The following PPP1R21 variants were observed in gnomAD, a reference collection of about 807,000 sequenced individuals.
PPP1R21 encodes the protein protein phosphatase 1 regulatory subunit 21.
Under a neutral mutation model 112.8 loss-of-function variants are expected in PPP1R21, and 85 were observed. The observed-to-expected ratio is 0.75, with a 90% CI of 0.63 to 0.90. The LOEUF is 0.90. Ranked by LOEUF, PPP1R21 falls within the 40% of genes least tolerant of loss-of-function variation. PPP1R21 has a pLI of 0.00. For synonymous variants in PPP1R21, 381 were observed against 322.3 expected, an observed-to-expected ratio of 1.18 and a Z score of -1.95; for missense variants, 1,199 against 901.5, an observed-to-expected ratio of 1.33 and a Z score of -4.23.
At position 48,486,698 on chromosome 2, in the gene PPP1R21, G is replaced by C. The variant is rs1669316694; in HGVS notation, c.1386G>C (p.Leu462=). ...AACTTCCAACAGCAACACAGAAGCT[G>C]ATAACAACTAATGACTGTATCCTGT... ...EHELPTATQK[L]ITTNDCILSS... is the part of the protein sequence containing the mutation. The change falls in exon 14 of 22, where the codon CTG becomes CTC. Residue 462 remains leucine (L), a synonymous_variant. Coordinates refer to ENST00000294952, the MANE Select transcript of PPP1R21 (RefSeq NM_001135629.3). The C allele has an allele frequency of 1.9e-6, 3 of 1,613,790 alleles. No homozygotes were observed. In the African/African-American group the frequency reaches 4.0e-5, roughly 22 times the overall value.
chr2:48,457,226 C>T (rs574648164), intron 3 of PPP1R21, among the ~76,000 whole-genome samples: 89 of 152,270 alleles, frequency 5.8e-4, no homozygotes, highest in Admixed American at 1.2e-3. Flanking sequence ...AATTTGGAAG[C>T]ACTAAGGACC....
intron 16 of PPP1R21, among the ~76,000 whole-genome samples, chr2:48,496,225 A>G (rs1558506828): frequency 1.3e-5 from 2 of 152,052 alleles, no homozygotes; most frequent in Non-Finnish European, 2.9e-5. Flanking sequence ...GAAAAAAAAA[A>G]TATGTATATA....
chr2:48,484,514 C>CTTT (rs56150780), intron 13 of PPP1R21, among the ~76,000 whole-genome samples: 1 of 122,980 alleles, frequency 8.1e-6, no homozygotes, highest in Non-Finnish European at 1.7e-5. Context: ...AAAGAATAAA[C>CTTT]TTTTTTTTTT....
chr2:48,453,253 C>T lies in PPP1R21; in HGVS notation c.127-1342C>T, dbSNP rs557860785. Among the ~76,000 whole-genome samples the T allele has an allele frequency of 2.0e-4, 30 of 152,348 alleles. No homozygotes were observed. The South Asian group carries it at 6.0e-3, about 30-fold the overall frequency. ...ATAGGCGTGAGCCACTGCACCTGGCCTAGGTTGCTGTTTCAATACAGTTAA... is the reference window on the plus strand; with the variant it reads ...ATAGGCGTGAGCCACTGCACCTGGCTTAGGTTGCTGTTTCAATACAGTTAA... On this transcript the variant is annotated intron_variant, in intron 2 of 21. Coordinates refer to ENST00000294952, the MANE Select transcript of PPP1R21 (RefSeq NM_001135629.3).
intron 1 of PPP1R21, chr2:48,441,387 A>T: frequency 3.1e-6 from 1 of 323,870 alleles, no homozygotes; most frequent in South Asian, 3.0e-5. Context: ...CAGCCTAGGG[A>T]TGGGGAAGAT....
At chr2:48,505,160 G>A (rs751558354) in intron 17 of PPP1R21, among the ~76,000 whole-genome samples, 1 of 152,082 alleles carries the variant, frequency 6.6e-6, no homozygotes, top group Non-Finnish European at 1.5e-5. Flanking sequence ...TTTATTATTT[G>A]CATTTTCTGT....
chr2:48,442,910 G>T (rs998494848), intron 1 of PPP1R21, among the ~76,000 whole-genome samples: 1 of 152,138 alleles, frequency 6.6e-6, no homozygotes, highest in Non-Finnish European at 1.5e-5. Context: ...TTAAGCAGGG[G>T]AGTGACATTA....
At chr2:48,483,195 CTTTTTTTTTTTTTT>C (rs755036470) in intron 13 of PPP1R21, among the ~76,000 whole-genome samples, 4 of 80,890 alleles carry the variant, frequency 4.9e-5, no homozygotes, top group East Asian at 4.2e-4. Context: ...CTTTTTTTTC[CTTTTTTTTTTTTTT>C]TTTTTTTTTT....
intron 7 of PPP1R21, 102 bp from the exon 8 acceptor site, chr2:48,464,835 G>A (rs1668128364): frequency 2.6e-6 from 2 of 764,060 alleles, no homozygotes; most frequent in Non-Finnish European, 4.2e-6. Context: ...AAATTCTTAT[G>A]TAAAGTTGAT....
At chr2:48,511,112 A>G (rs1670617425) in intron 20 of PPP1R21, among the ~76,000 whole-genome samples, 1 of 152,206 alleles carries the variant, frequency 6.6e-6, no homozygotes, top group South Asian at 2.1e-4. Context: ...ATACCTTTGT[A>G]CAGTGTGTAA....
intron 1 of PPP1R21, among the ~76,000 whole-genome samples, chr2:48,444,883 G>C (rs977878310): frequency 6.7e-5 from 10 of 150,258 alleles, no homozygotes; most frequent in Admixed American, 4.6e-4. Flanking sequence ...TTTTGGGACA[G>C]TGGATGCCAG....
rs1457294406 is a variant in PPP1R21, at chr2:48,440,833, G to GGCGGCT, written c.-119_-118insGGCTGC. The GGCGGCT allele has an allele frequency of 1.0e-5, 7 of 701,670 alleles. No individual in the cohort carries two copies. The highest frequency in any genetic ancestry group is 2.8e-5 in the Admixed American group (1 of 36,274). 43.5% of individuals were successfully genotyped at this position (701,670 alleles called of 1,614,324 possible). On this transcript the variant is annotated 5_prime_UTR_variant, in exon 1 of 22. Transcript: ENST00000294952. ...GAGGCGCGGCGGCGGCGGCGGCGGCGGCTGCGGTGGCCAAGCAGGCAGATA... is the reference window on the plus strand; with the variant it reads ...GAGGCGCGGCGGCGGCGGCGGCGGCGGCGGCTGCTGCGGTGGCCAAGCAGGCAGATA...
intron 5 of PPP1R21, 68 bp downstream of exon 5, chr2:48,459,986 C>G (rs954614586): frequency 3.8e-6 from 6 of 1,590,770 alleles, no homozygotes; most frequent in Non-Finnish European, 5.1e-6. Flanking sequence ...TGTCTATCCA[C>G]TTAGAGTTAG....
At chr2:48,448,757 A>G (rs888482869) in intron 1 of PPP1R21, among the ~76,000 whole-genome samples, 1 of 152,240 alleles carries the variant, frequency 6.6e-6, no homozygotes, top group African/African-American at 2.4e-5. Context: ...ATGGAAGTCA[A>G]CATTAAAGTG....
At position 48,514,411 on chromosome 2, in the gene PPP1R21, T is replaced by G. The variant is rs139908485; in HGVS notation, c.2314-304T>G. On this transcript the variant is annotated intron_variant, in intron 21 of 21. Transcript: ENST00000294952. The stretch of plus-strand genomic sequence containing the variant: ...CTTGAAATCTTAGACTCTCTTGTCT[T>G]TGGAACAAAATGAATGTTTGTAGTT... Among the ~76,000 whole-genome samples, 31 of 152,278 alleles carry G rather than the reference T, an allele frequency of 2.0e-4. No homozygotes were observed. The East Asian group carries it at 6.0e-3, about 29-fold the overall frequency.
chr2:48,486,795 T>A, intron 14 of PPP1R21, 37 bp downstream of exon 14: 1 of 1,581,210 alleles, frequency 6.3e-7, no homozygotes, highest in Non-Finnish European at 8.6e-7. Context: ...GTTAAAACTC[T>A]TAAATATGTG....
chr2:48,466,427 A>T (rs954069680), intron 9 of PPP1R21, among the ~76,000 whole-genome samples: 3 of 150,822 alleles, frequency 2.0e-5, no homozygotes, highest in Non-Finnish European at 4.4e-5. Flanking sequence ...GGGTTTCGCC[A>T]TGTTGGCCAG....
chr2:48,498,438 C>A (rs905823053), intron 16 of PPP1R21, 55 bp from the exon 17 acceptor site: 14 of 1,585,468 alleles, frequency 8.8e-6, no homozygotes, highest in Admixed American at 1.7e-5. Flanking sequence ...GTTTTTGGGC[C>A]ACTAAGGTTT....
rs762938182 is a variant in PPP1R21 at position 48,514,728 on chromosome 2, A to G, written c.2327A>G (p.Lys776Arg). The change falls in exon 22 of 22, where the codon AAG becomes AGG. Residue 776 changes from lysine (K) to arginine (R), a missense_variant. By Grantham distance (26) the Lys-to-Arg change is conservative. Coordinates refer to ENST00000294952, the MANE Select transcript of PPP1R21 (RefSeq NM_001135629.3). Reference sequence around the variant, plus strand: ...TTCTTTGCACAGGGGAATTCTAAAAAGAACAAGAGTCGATAGTTTTGAAAT... The same window carrying G: ...TTCTTTGCACAGGGGAATTCTAAAAGGAACAAGAGTCGATAGTTTTGAAAT... Reference protein sequence around the residue: ...LKMSSKGNSKKNKSR With the variant: ...LKMSSKGNSKRNKSR 1 of 1,610,458 alleles carries G rather than the reference A, an allele frequency of 6.2e-7. No individual in the cohort carries two copies. Among genetic ancestry groups the G allele is most frequent in the Non-Finnish European group, 8.5e-7 (1 of 1,177,866 alleles).
Sources: gnomAD v4.1 joint callset for allele counts (sites outside exome capture counted in the v4.1 genomes callset) on GRCh38, gnomAD v4.1.1 for gene constraint, MANE v1.5 for transcripts, NCBI Gene and HGNC (gene_info 2026-07-23, HGNC 2026-07-21) for gene names.